The following SUSD1 variants were observed in gnomAD, a reference collection of about 807,000 sequenced individuals.
The protein encoded by SUSD1 is sushi domain containing 1.
In SUSD1, 65 loss-of-function variants were observed where a neutral mutation model predicts 86.9. The ratio of observed to expected loss-of-function variants is 0.75; its 90% CI spans 0.61 to 0.92. The LOEUF is 0.92. SUSD1 is among the 40% of genes least tolerant of loss of function. The pLI is 0.00. For missense variants in SUSD1, 850 were observed against 929.7 expected (o/e 0.91, Z 1.11); for synonymous variants, 346 against 350.0 (o/e 0.99, Z 0.13).
In SUSD1 at chr9:112,098,490, G is replaced by A; in HGVS notation, c.1454C>T (p.Thr485Ile). 3 of 1,614,066 alleles carry A rather than the reference G, an allele frequency of 1.9e-6. No homozygotes were observed. Among genetic ancestry groups the A allele is most frequent in the Non-Finnish European group, 2.5e-6 (3 of 1,179,950 alleles). ...RSPKRHSVQI[T>I]IATPPAVKQT... is the part of the protein sequence containing the mutation. ...CCCACCTGCTGGGGGAGTTGCTATTGTTATTTGCACTGAGTGCCGCTTAGG... is the reference window on the plus strand; with the variant it reads ...CCCACCTGCTGGGGGAGTTGCTATTATTATTTGCACTGAGTGCCGCTTAGG... Residue 485 changes from threonine to isoleucine, a missense_variant, in exon 10 of 17, where the codon ACA becomes ATA. Thr to Ile is a moderately conservative substitution (Grantham distance 89). Transcript: ENST00000374270.
intron 1 of SUSD1, among the ~76,000 whole-genome samples, chr9:112,162,396 T>C (rs986879730): frequency 1.3e-5 from 2 of 152,186 alleles, no homozygotes; most frequent in Non-Finnish European, 2.9e-5. Context: ...GGTACATAGC[T>C]TTAGAGAACA....
At chr9:112,134,711 C>T (rs151151791) in intron 5 of SUSD1, among the ~76,000 whole-genome samples, 198 of 151,856 alleles carry the variant, frequency 1.3e-3, no homozygotes, top group African/African-American at 4.5e-3. Context: ...TGCAATATAC[C>T]ATTGTAACAA....
intron 9 of SUSD1, among the ~76,000 whole-genome samples, chr9:112,099,905 T>C (rs1034161742): frequency 2.0e-5 from 3 of 152,220 alleles, no homozygotes; most frequent in Non-Finnish European, 2.9e-5. Flanking sequence ...CCATCAAATG[T>C]TGGCCTCAGA....
chr9:112,129,877 C>A (rs1831941073), intron 5 of SUSD1, among the ~76,000 whole-genome samples: 1 of 152,144 alleles, frequency 6.6e-6, no homozygotes, highest in South Asian at 2.1e-4. Flanking sequence ...TGCCAACAGC[C>A]CCTCAGGAAG....
At position 112,149,885 on chromosome 9, in the gene SUSD1, G is replaced by A. The variant is rs372732470; in HGVS notation, c.218-486C>T. ...TAGTGCTGCAGCCTCATCCGGAGCAGGGCTAATGCAGAAGCAGGAATAGCT... is the reference window on the plus strand; with the variant it reads ...TAGTGCTGCAGCCTCATCCGGAGCAAGGCTAATGCAGAAGCAGGAATAGCT... On this transcript the variant is annotated intron_variant, in intron 2 of 16. Transcript: ENST00000374270. 4.3e-4 allele frequency among the ~76,000 whole-genome samples: 66 copies of A among 152,310 alleles called. No homozygotes were observed. The East Asian group carries it at 8.3e-3, about 19-fold the overall frequency.
chr9:112,169,296 A>G (rs541031055), intron 1 of SUSD1: 1 of 152,224 alleles, frequency 6.6e-6, no homozygotes. Flanking sequence ...GGCTGGTCCA[A>G]AGGTAGTGAG....
chr9:112,083,220 G>A (rs1181419233), intron 10 of SUSD1, among the ~76,000 whole-genome samples: 1 of 152,002 alleles, frequency 6.6e-6, no homozygotes, highest in Non-Finnish European at 1.5e-5. Flanking sequence ...AAACTTACAC[G>A]AAGATTTTAA....
intron 15 of SUSD1, among the ~76,000 whole-genome samples, chr9:112,051,403 CTTTTCTTTTTTTTTTTTTTT>C (rs1033911345): frequency 3.8e-5 from 3 of 78,624 alleles, no homozygotes; most frequent in Admixed American, 1.2e-4. Flanking sequence ...AGAAGTTTTT[CTTTTCTTTTTTTTTTTTTTT>C]TTTTTTTTTT....
intron 10 of SUSD1, among the ~76,000 whole-genome samples, chr9:112,097,648 C>G (rs1830455061): frequency 6.6e-6 from 1 of 151,998 alleles, no homozygotes; most frequent in South Asian, 2.1e-4. Flanking sequence ...ATCTGCCAGC[C>G]TCGGCCTCCC....
Position 112,142,394 on chromosome 9 carries a change from A to AAG in SUSD1, c.630_631dup (p.Phe211SerfsTer42). On this transcript the variant is annotated frameshift_variant, in exon 5 of 17. Transcript: ENST00000374270. LOFTEE classifies it high-confidence loss of function. ...TGAAACTGTATCTTCTGGAACACTGAAGAATCCTTCTCTGCAAGCATAACG... is the reference window on the plus strand; with the variant it reads ...TGAAACTGTATCTTCTGGAACACTGAAGAGAATCCTTCTCTGCAAGCATAACG... 6.2e-7 allele frequency: 1 copy of AAG among 1,614,088 alleles called. No individual in the cohort carries two copies. Among genetic ancestry groups the AAG allele is most frequent in the Non-Finnish European group, 8.5e-7 (1 of 1,180,008 alleles).
intron 6 of SUSD1, among the ~76,000 whole-genome samples, chr9:112,118,808 T>G (rs1279291380): frequency 6.6e-6 from 1 of 152,218 alleles, no homozygotes; most frequent in Non-Finnish European, 1.5e-5. Context: ...TATCTGTTCG[T>G]TATGTATCAG....
At chr9:112,081,162 T>C (rs1829751612) in intron 10 of SUSD1, among the ~76,000 whole-genome samples, 1 of 152,182 alleles carries the variant, frequency 6.6e-6, no homozygotes, top group Non-Finnish European at 1.5e-5. Context: ...GTGGAAATAA[T>C]AGAGCAGACT....
At chr9:112,074,220 C>CA (rs950790288) in intron 12 of SUSD1, among the ~76,000 whole-genome samples, 10 of 150,130 alleles carry the variant, frequency 6.7e-5, no homozygotes, top group African/African-American at 1.5e-4. Context: ...TGTCTCAAAA[C>CA]AAAAAAAAAG....
chr9:112,064,366 T>C (rs1828879145), intron 12 of SUSD1, among the ~76,000 whole-genome samples: 3 of 152,158 alleles, frequency 2.0e-5, no homozygotes, highest in Admixed American at 6.5e-5. Context: ...GGGATCTAGA[T>C]TGTGCACTCC....
intron 12 of SUSD1, among the ~76,000 whole-genome samples, chr9:112,064,789 T>G (rs561285365): frequency 6.7e-6 from 1 of 150,176 alleles, no homozygotes; most frequent in African/African-American, 2.5e-5. Flanking sequence ...GGCAGGAGAA[T>G]CGCTTGAACC....
intron 10 of SUSD1, among the ~76,000 whole-genome samples, chr9:112,081,381 C>T (rs16916643): frequency 0.13 from 20,036 of 152,184 alleles, 1,643 homozygotes; most frequent in African/African-American, 0.23. Context: ...CTGTACAAGT[C>T]ACAAGCTGTA....
chr9:112,139,464 G>A (rs1832462866), intron 5 of SUSD1, among the ~76,000 whole-genome samples: 1 of 151,932 alleles, frequency 6.6e-6, no homozygotes, highest in Non-Finnish European at 1.5e-5. Flanking sequence ...TTTTCTTTAT[G>A]AGATAGGATC....
intron 11 of SUSD1, 21 bp downstream of exon 11, chr9:112,080,053 C>G: frequency 6.5e-7 from 1 of 1,544,234 alleles, no homozygotes; most frequent in Non-Finnish European, 9.0e-7. Flanking sequence ...TCTATAAATA[C>G]AGTAACTTTC....
intron 10 of SUSD1, among the ~76,000 whole-genome samples, chr9:112,086,474 C>T (rs1829980485): frequency 6.8e-6 from 1 of 147,430 alleles, no homozygotes; most frequent in Admixed American, 6.8e-5. Context: ...AGGTTCACTC[C>T]CAGCAAGAGA....
Sources: allele counts gnomAD v4.1 joint callset (sites outside exome capture counted in the v4.1 genomes callset), GRCh38; gene constraint gnomAD v4.1.1; transcripts MANE v1.5; gene names NCBI Gene and HGNC (gene_info 2026-07-23, HGNC 2026-07-21).